SNRK: variants seen among roughly 807,000 people sequenced by gnomAD.
SNRK encodes SNF-related serine/threonine-protein kinase.
A neutral mutation model predicts 48.2 loss-of-function variants in SNRK; 3 were observed. The observed-to-expected ratio is 0.06, with a 90% CI of 0.03 to 0.16. The LOEUF (loss-of-function observed/expected upper bound fraction) is 0.16, where lower values mean the gene tolerates loss of function less well. Among genes scored for constraint, SNRK ranks in the 10% least tolerant of loss-of-function variants. The pLI, the probability that SNRK is intolerant of heterozygous loss-of-function variation, is 1.00. For missense variants in SNRK, 627 were observed against 976.0 expected (o/e 0.64, Z 4.76); for synonymous variants, 376 against 366.1 (o/e 1.03, Z -0.31).
At chr3:43,320,106 G>A (rs545415973) in intron 3 of SNRK, among the ~76,000 whole-genome samples, 19 of 152,158 alleles carry the variant, frequency 1.2e-4, no homozygotes, top group African/African-American at 4.3e-4. Context: ...CTTTGAATAC[G>A]TGACTCATTC....
intron 4 of SNRK, among the ~76,000 whole-genome samples, chr3:43,337,333 C>A (rs984528481): frequency 6.6e-6 from 1 of 152,148 alleles, no homozygotes; most frequent in Non-Finnish European, 1.5e-5. Flanking sequence ...CTCAGCCTCC[C>A]AAAGTGCTAG....
At chr3:43,289,099 A>G (rs2090789196) in intron 1 of SNRK, among the ~76,000 whole-genome samples, 1 of 152,234 alleles carries the variant, frequency 6.6e-6, no homozygotes, top group African/African-American at 2.4e-5. Flanking sequence ...GGGAACACCA[A>G]GGTAAACAGT....
Position 43,322,719 on chromosome 3 carries a change from G to A in SNRK, c.590-9450G>A, listed in dbSNP as rs183025974. Among the ~76,000 whole-genome samples, 66 of 152,138 alleles carry A rather than the reference G, an allele frequency of 4.3e-4. No individual in the cohort carries two copies. In the East Asian group the frequency reaches 0.01, roughly 24 times the overall value. On this transcript the variant is annotated intron_variant, in intron 3 of 6. Transcript: ENST00000296088. Reference sequence around the variant, plus strand: ...TGTAATCCGAGCACTTTGGGAGGCCGAGGTGGGCAGATCATGAGGTCAGGA... The same window carrying A: ...TGTAATCCGAGCACTTTGGGAGGCCAAGGTGGGCAGATCATGAGGTCAGGA...
At chr3:43,322,383 G>T (rs1302969863) in intron 3 of SNRK, among the ~76,000 whole-genome samples, 1 of 152,136 alleles carries the variant, frequency 6.6e-6, no homozygotes, top group Non-Finnish European at 1.5e-5. Context: ...AAGAAAAAGG[G>T]TAGTAGCTTT....
chr3:43,329,760 T>C (rs1205321203), intron 3 of SNRK, among the ~76,000 whole-genome samples: 1 of 152,238 alleles, frequency 6.6e-6, no homozygotes, highest in Non-Finnish European at 1.5e-5. Flanking sequence ...AAGCCGAGTG[T>C]GTTAAGGGGA....
At chr3:43,307,781 C>CT (rs2090950027) in intron 3 of SNRK, among the ~76,000 whole-genome samples, 1 of 152,154 alleles carries the variant, frequency 6.6e-6, no homozygotes, top group Admixed American at 6.5e-5. Context: ...ACAGTGGCCT[C>CT]TAAGTGTTCA....
At position 43,299,739 on chromosome 3, in the gene SNRK, T is replaced by G. The variant is rs947532869; in HGVS notation, c.-168-15T>G. 1 of 152,688 alleles carries G rather than the reference T, an allele frequency of 6.5e-6. No individual in the cohort carries two copies. The highest frequency in any genetic ancestry group is 2.4e-5 in the African/African-American group (1 of 41,468). The allele number at this position is 152,688 out of a possible 1,614,324, so 9.5% of individuals were successfully genotyped here. ...ATAGAACTAAACCTGTATCTTTTTC[T>G]TTATTTTCTTTTAGGAAAAAGAAGC... On this transcript the variant is annotated splice_polypyrimidine_tract_variant and intron_variant, in intron 1 of 6. Coordinates refer to ENST00000296088, the MANE Select transcript of SNRK (RefSeq NM_017719.5).
chr3:43,328,082 G>T (rs1242145850), intron 3 of SNRK, among the ~76,000 whole-genome samples: 1 of 151,700 alleles, frequency 6.6e-6, no homozygotes, highest in Non-Finnish European at 1.5e-5. Flanking sequence ...GTATCTATAT[G>T]ATATTTGATT....
chr3:43,340,648 C>A, intron 5 of SNRK, 149 bp downstream of exon 5: 1 of 715,062 alleles, frequency 1.4e-6, no homozygotes, highest in Non-Finnish European at 2.3e-6. Context: ...AAGTTCTTGG[C>A]CCAGGGCCTG....
intron 3 of SNRK, among the ~76,000 whole-genome samples, chr3:43,309,072 G>T (rs1262156382): frequency 6.6e-6 from 1 of 152,230 alleles, no homozygotes; most frequent in Non-Finnish European, 1.5e-5. Flanking sequence ...GGAGCCTGAA[G>T]ATATGATTGA....
chr3:43,312,056 G>A (rs763365791), intron 3 of SNRK, among the ~76,000 whole-genome samples: 7 of 151,932 alleles, frequency 4.6e-5, no homozygotes, highest in Admixed American at 1.3e-4. Flanking sequence ...TGGGAACTTC[G>A]CCATCTCACC....
intron 4 of SNRK, among the ~76,000 whole-genome samples, chr3:43,336,798 C>CCGGA (rs2091193009): frequency 6.6e-6 from 1 of 152,184 alleles, no homozygotes; most frequent in Non-Finnish European, 1.5e-5. Context: ...GTTGCCCAGG[C>CCGGA]CGGAGTGCAG....
At chr3:43,301,381 T>C (rs1210104930) in intron 2 of SNRK, among the ~76,000 whole-genome samples, 1 of 152,182 alleles carries the variant, frequency 6.6e-6, no homozygotes, top group Non-Finnish European at 1.5e-5. Context: ...ATGTGGGCTT[T>C]GAAATGTATT....
intron 4 of SNRK, among the ~76,000 whole-genome samples, chr3:43,339,690 C>T (rs2091217890): frequency 6.6e-6 from 1 of 150,746 alleles, no homozygotes; most frequent in Non-Finnish European, 1.5e-5. Context: ...GTGGCACGTG[C>T]CTGTAGTCCC....
intron 3 of SNRK, among the ~76,000 whole-genome samples, chr3:43,316,516 A>G (rs1559463971): frequency 1.3e-5 from 2 of 152,218 alleles, no homozygotes; most frequent in South Asian, 4.1e-4. Context: ...ATTAGTGGAA[A>G]AAGATATTTT....
intron 3 of SNRK, among the ~76,000 whole-genome samples, chr3:43,305,094 T>G (rs2090927105): frequency 1.3e-5 from 2 of 152,152 alleles, no homozygotes; most frequent in Admixed American, 1.3e-4. Flanking sequence ...CTATTAAAAA[T>G]AAGATACTCT....
At chr3:43,339,388 G>T (rs567738127) in intron 4 of SNRK, among the ~76,000 whole-genome samples, 1 of 152,304 alleles carries the variant, frequency 6.6e-6, no homozygotes, top group South Asian at 2.1e-4. Context: ...AGCTTGTAAA[G>T]CTGAAGCAGA....
chr3:43,338,660 T>C (rs998193306), intron 4 of SNRK, among the ~76,000 whole-genome samples: 1 of 152,266 alleles, frequency 6.6e-6, no homozygotes, highest in African/African-American at 2.4e-5. Flanking sequence ...CTTCTTTTTA[T>C]AAAATTGTTT....
In SNRK at chr3:43,347,357, A is replaced by G. The variant is rs745348875; in HGVS notation, c.1098A>G (p.Lys366=). Residue 366 remains lysine, a synonymous_variant, in exon 7 of 7, where the codon AAA becomes AAG. Transcript: ENST00000296088. The surrounding 1 kb of genome is among the most constrained non-coding windows in gnomAD (Gnocchi z 5.4). Reference sequence around the variant, plus strand: ...TACATAGGCAGTCATGGCCAACCAAAATTGATGTACCCCAGGACCTTGAGG... The same window carrying G: ...TACATAGGCAGTCATGGCCAACCAAGATTGATGTACCCCAGGACCTTGAGG... The part of the protein sequence containing the change: ...KAQFRQSWPT[K]IDVPQDLEDD... 1.7e-5 allele frequency: 26 copies of G among 1,571,112 alleles called. No individual in the cohort carries two copies. The highest frequency in any genetic ancestry group is 2.2e-5 in the Non-Finnish European group (25 of 1,159,232).
Sources: allele counts gnomAD v4.1 joint callset (sites outside exome capture counted in the v4.1 genomes callset), GRCh38; gene constraint gnomAD v4.1.1; non-coding constraint Gnocchi (gnomAD v3.1); transcripts MANE v1.5; gene names NCBI Gene and HGNC (gene_info 2026-07-23, HGNC 2026-07-21).